Variants in ASPRV1 observed in about 807,000 individuals in gnomAD.
ASPRV1 encodes aspartic peptidase retroviral like 1, also known as retroviral-like aspartic protease 1.
ASPRV1 carries 7 observed loss-of-function variants against 11.0 expected under a neutral mutation model. The observed-to-expected ratio is 0.64, with a 90% CI of 0.36 to 1.20. The LOEUF (loss-of-function observed/expected upper bound fraction) is 1.20. Among genes scored for constraint, ASPRV1 ranks in the 50% most tolerant of loss-of-function variants. The probability of loss-of-function intolerance (pLI) is 0.02; values close to 1 mark genes in which losing one functional copy is unlikely to be tolerated. For synonymous variants in ASPRV1, 136 were observed against 138.4 expected (o/e 0.98, Z 0.12); for missense variants, 299 against 320.0 (o/e 0.93, Z 0.50).
the ASPRV1 span, among the ~76,000 whole-genome samples, chr2:69,953,775 T>G: frequency 5.9e-5 from 9 of 152,158 alleles, no homozygotes; most frequent in Non-Finnish European, 1.0e-4. Context: ...TGGCACCATC[T>G]TGGCTCACTG....
chr2:70,044,751 G>A, the ASPRV1 span, among the ~76,000 whole-genome samples: 4 of 152,152 alleles, frequency 2.6e-5, no homozygotes, highest in South Asian at 2.1e-4. Flanking sequence ...GAGCCACCAC[G>A]CCTGGCTGAG....
chr2:69,992,492 C>T, the ASPRV1 span, among the ~76,000 whole-genome samples: 8 of 152,188 alleles, frequency 5.3e-5, no homozygotes, highest in African/African-American at 1.9e-4. Flanking sequence ...CTGCTGCCCG[C>T]CCCCTTCCTC....
the ASPRV1 span, among the ~76,000 whole-genome samples, chr2:69,949,387 C>T: frequency 1.3e-5 from 2 of 152,132 alleles, no homozygotes; most frequent in African/African-American, 2.4e-5. Context: ...CATATGGCCC[C>T]AAGCAGAGGT....
rs778640143 is a variant in ASPRV1, at chr2:69,960,780, G to C, written c.657C>G (p.Cys219Trp). Residue 219 changes from cysteine (C) to tryptophan (W), a missense_variant, in exon 1 of 1, where the codon TGC (cysteine) becomes TGG (tryptophan). Physicochemically the swap from Cys to Trp is radical, Grantham distance 215 (BLOSUM62 -2). Transcript: ENST00000320256. Reference protein sequence around the residue: ...NAILDFEHRTCTLKGKKFRLL... With the variant: ...NAILDFEHRTWTLKGKKFRLL... ...GGCGAAACTTCTTCCCTTTCAGGGT[G>C]CATGTGCGGTGCTCAAAGTCCAGGA... is the stretch of plus-strand genomic sequence containing the variant. 3.1e-6 allele frequency: 5 copies of C among 1,614,146 alleles called. No individual in the cohort carries two copies. The highest frequency in any genetic ancestry group is 3.4e-6 in the Non-Finnish European group (4 of 1,180,026).
the ASPRV1 span, among the ~76,000 whole-genome samples, chr2:69,989,062 C>T: frequency 3.9e-5 from 6 of 152,220 alleles, no homozygotes; most frequent in Non-Finnish European, 7.3e-5. Context: ...GAAGAGTGAG[C>T]AGGCAGGGGC....
the ASPRV1 span, among the ~76,000 whole-genome samples, chr2:70,029,118 T>C: frequency 6.6e-6 from 1 of 152,006 alleles, no homozygotes; most frequent in Non-Finnish European, 1.5e-5. Context: ...GCAAACCCAT[T>C]GTAAGCCTGC....
chr2:69,968,911 G>A, the ASPRV1 span, among the ~76,000 whole-genome samples: 39 of 152,154 alleles, frequency 2.6e-4, no homozygotes, highest in African/African-American at 8.4e-4. Context: ...GCACCCTCCC[G>A]CCTCGTGTCA....
In ASPRV1 at chr2:69,960,485, T is replaced by A; in HGVS notation, c.*172A>T. ...CACCTGTGCCTGTTCAGTGGAAGCCTCCCCTACCAGGGGCAGATTAAGGCC... is the reference window on the plus strand; with the variant it reads ...CACCTGTGCCTGTTCAGTGGAAGCCACCCCTACCAGGGGCAGATTAAGGCC... On this transcript the variant is annotated 3_prime_UTR_variant, in exon 1 of 1. Transcript: ENST00000320256. The A allele has an allele frequency of 1.5e-6, 1 of 687,848 alleles. No homozygotes were observed. Among genetic ancestry groups the A allele is most frequent in the Non-Finnish European group, 2.4e-6 (1 of 418,960 alleles). The allele number at this position is 687,848 out of a possible 1,614,324, so 42.6% of individuals were successfully genotyped here.
chr2:70,011,452 A>T, the ASPRV1 span, among the ~76,000 whole-genome samples: 1 of 152,060 alleles, frequency 6.6e-6, no homozygotes, highest in Non-Finnish European at 1.5e-5. Flanking sequence ...AGAGATTGGG[A>T]AAATGTTTAG....
chr2:69,974,991 G>C, the ASPRV1 span, among the ~76,000 whole-genome samples: 6 of 152,190 alleles, frequency 3.9e-5, no homozygotes, highest in Admixed American at 3.9e-4. Context: ...GTCCTCCAGA[G>C]CTCCTGGGGC....
chr2:70,064,207 G>A, the ASPRV1 span, among the ~76,000 whole-genome samples: 1 of 152,194 alleles, frequency 6.6e-6, no homozygotes, highest in Non-Finnish European at 1.5e-5. Context: ...GAAATAGGAA[G>A]AATGACAATG....
At chr2:70,015,893 G>C in the ASPRV1 span, 1 of 152,228 alleles carries the variant, frequency 6.6e-6, no homozygotes, top group Non-Finnish European at 1.5e-5. Flanking sequence ...AACCCGGGAG[G>C]AGGAGGTTTC....
At chr2:70,043,425 A>G in the ASPRV1 span, among the ~76,000 whole-genome samples, 2 of 146,896 alleles carry the variant, frequency 1.4e-5, no homozygotes, top group Non-Finnish European at 3.0e-5. Flanking sequence ...CTCGCATTTA[A>G]AAAAAAAAAA....
At chr2:69,980,158 T>G in the ASPRV1 span, among the ~76,000 whole-genome samples, 1 of 152,190 alleles carries the variant, frequency 6.6e-6, no homozygotes, top group African/African-American at 2.4e-5. Flanking sequence ...CTTAGTAGGA[T>G]GCAGCACCAG....
the ASPRV1 span, chr2:70,050,871 A>C: frequency 6.6e-6 from 1 of 152,208 alleles, no homozygotes; most frequent in Non-Finnish European, 1.5e-5. Context: ...TGAGCCCAAG[A>C]GTTCAAGGCT....
At chr2:69,984,970 C>T in the ASPRV1 span, among the ~76,000 whole-genome samples, 1 of 151,990 alleles carries the variant, frequency 6.6e-6, no homozygotes, top group Non-Finnish European at 1.5e-5. Context: ...CATTCTCCTG[C>T]CTCAGCCTCC....
At chr2:70,062,117 G>A in the ASPRV1 span, among the ~76,000 whole-genome samples, 2 of 151,550 alleles carry the variant, frequency 1.3e-5, no homozygotes, top group African/African-American at 2.4e-5. Context: ...GTGAAACCCC[G>A]TCTCTACTAA....
chr2:70,069,706 A>C, the ASPRV1 span, among the ~76,000 whole-genome samples: 1 of 152,166 alleles, frequency 6.6e-6, no homozygotes, highest in African/African-American at 2.4e-5. Flanking sequence ...AAAGTTTCTA[A>C]GTTGTTCATA....
chr2:69,957,661 T>C (rs1677970894), downstream of ASPRV1, among the ~76,000 whole-genome samples: 1 of 151,956 alleles, frequency 6.6e-6, no homozygotes, highest in Non-Finnish European at 1.5e-5. Context: ...GGAGAGTCTG[T>C]ATTCCCAACA....
Sources: allele counts gnomAD v4.1 joint callset (sites outside exome capture counted in the v4.1 genomes callset), GRCh38; gene constraint gnomAD v4.1.1; transcripts MANE v1.5; gene names NCBI Gene and HGNC (gene_info 2026-07-23, HGNC 2026-07-21).